The following GTF2I variants were observed in gnomAD, a reference collection of about 807,000 sequenced individuals.
GTF2I encodes the protein general transcription factor II-I.
In GTF2I, 12 loss-of-function variants were observed where a neutral mutation model predicts 67.6. That is an observed-to-expected ratio of 0.18 (90% CI 0.11 to 0.29). The LOEUF (loss-of-function observed/expected upper bound fraction) is 0.29, where lower values mean the gene tolerates loss of function less well. GTF2I is among the 10% of genes least tolerant of loss of function. The pLI is 1.00. For synonymous variants in GTF2I, 149 were observed against 197.0 expected, an observed-to-expected ratio of 0.76 and a Z score of 2.04; for missense variants, 271 against 580.1, an observed-to-expected ratio of 0.47 and a Z score of 5.47.
At chr7:74,675,182 AG>A (rs1805788382) in intron 1 of GTF2I, among the ~76,000 whole-genome samples, 1 of 152,240 alleles carries the variant, frequency 6.6e-6, no homozygotes, top group South Asian at 2.1e-4. Context: ...ACAGTTTTTC[AG>A]TGTTTTGAGT....
At chr7:74,662,511 C>CTGT (rs1804603021) in intron 1 of GTF2I, among the ~76,000 whole-genome samples, 1 of 50,220 alleles carries the variant, frequency 2.0e-5, no homozygotes, top group Non-Finnish European at 3.4e-5. Context: ...CACCTGGACC[C>CTGT]TTTTTTTTTT....
At chr7:74,723,694 G>T (rs1793397075) in intron 12 of GTF2I, among the ~76,000 whole-genome samples, 1 of 151,890 alleles carries the variant, frequency 6.6e-6, no homozygotes, top group Non-Finnish European at 1.5e-5. Context: ...GCCTCCCAAA[G>T]TGCTAGGATT....
intron 1 of GTF2I, among the ~76,000 whole-genome samples, chr7:74,678,218 C>CT (rs66564149): frequency 0.068 from 8,072 of 119,498 alleles, 290 homozygotes; most frequent in Non-Finnish European, 0.075. Flanking sequence ...CTGAGCCCGG[C>CT]TTTTTTTTTT....
intron 10 of GTF2I, among the ~76,000 whole-genome samples, chr7:74,715,761 G>C (rs1381546848): frequency 6.6e-6 from 1 of 152,030 alleles, no homozygotes; most frequent in Non-Finnish European, 1.5e-5. Flanking sequence ...TTTGAGTTCA[G>C]GTGAGTTTTC....
At chr7:74,676,764 C>T (rs1431373221) in intron 1 of GTF2I, among the ~76,000 whole-genome samples, 1 of 151,936 alleles carries the variant, frequency 6.6e-6, no homozygotes, top group African/African-American at 2.4e-5. Flanking sequence ...ATATTAAATA[C>T]CAACAATTTG....
At chr7:74,696,482 A>G (rs1390946831) in intron 3 of GTF2I, among the ~76,000 whole-genome samples, 7 of 147,806 alleles carry the variant, frequency 4.7e-5, no homozygotes, top group Admixed American at 4.7e-4. Context: ...GTGTGTCACT[A>G]CACTCGGCTA....
chr7:74,715,857 GTATGGGACTTT>G (rs1792197461), intron 10 of GTF2I, among the ~76,000 whole-genome samples: 1 of 152,100 alleles, frequency 6.6e-6, no homozygotes, highest in Admixed American at 6.5e-5. Context: ...TGTGACCTCA[GTATGGGACTTT>G]TAATTCAAGG....
chr7:74,661,347 A>G (rs1342202257), intron 1 of GTF2I, among the ~76,000 whole-genome samples: 1 of 152,150 alleles, frequency 6.6e-6, no homozygotes, highest in Non-Finnish European at 1.5e-5. Flanking sequence ...AAATGAAGGG[A>G]GAGAAATTTA....
chr7:74,664,892 T>C (rs1446079999), intron 1 of GTF2I, among the ~76,000 whole-genome samples: 1 of 152,178 alleles, frequency 6.6e-6, no homozygotes, highest in Non-Finnish European at 1.5e-5. Flanking sequence ...TGCCGTTTCC[T>C]GCCTGTGCGA....
At chr7:74,714,562 T>TA (rs1440951963) in intron 9 of GTF2I, among the ~76,000 whole-genome samples, 2 of 152,084 alleles carry the variant, frequency 1.3e-5, no homozygotes, top group Admixed American at 6.6e-5. Context: ...TGTACTGTTT[T>TA]AAAAAACCCA....
chr7:74,658,241 C>G (rs1554384583), intron 1 of GTF2I, among the ~76,000 whole-genome samples, 173 bp downstream of exon 1: 1 of 150,604 alleles, frequency 6.6e-6, no homozygotes, highest in Admixed American at 6.6e-5. Context: ...GCCGCCTCCC[C>G]CTACCCCCAC....
At chr7:74,672,413 C>T (rs965835436) in intron 1 of GTF2I, among the ~76,000 whole-genome samples, 12 of 151,950 alleles carry the variant, frequency 7.9e-5, no homozygotes, top group Non-Finnish European at 5.9e-5. Context: ...TGATGGTGCA[C>T]CCCTGTAATC....
chr7:74,671,371 G>A (rs1805438188), intron 1 of GTF2I, among the ~76,000 whole-genome samples: 1 of 151,966 alleles, frequency 6.6e-6, no homozygotes, highest in Non-Finnish European at 1.5e-5. Context: ...ATAGGCATGA[G>A]CCACTGCACC....
chr7:74,700,696 A>T, intron 6 of GTF2I, 62 bp downstream of exon 6: 1 of 1,407,990 alleles, frequency 7.1e-7, no homozygotes, highest in African/African-American at 1.4e-5. Context: ...ATTTTCATAC[A>T]CTTTAATGGT....
rs1791489787 is a variant in GTF2I at position 74,711,125 on chromosome 7, G to A, written c.763+16G>A. On this transcript the variant is annotated intron_variant, in intron 9 of 34. Transcript: ENST00000573035. ...AACATTCAAGGTAATTTGAATTAAT[G>A]CAATTTTTCTTTCTAAAAATTATTC... The A allele has an allele frequency of 9.0e-7, 1 of 1,116,956 alleles. No homozygotes were observed. 69.2% of individuals were successfully genotyped at this position (1,116,956 alleles called of 1,614,324 possible).
At position 74,685,272 on chromosome 7, in the gene GTF2I, G is replaced by C. The variant is rs111986415; in HGVS notation, c.-5-3852G>C. 5.7e-3 allele frequency among the ~76,000 whole-genome samples: 870 copies of C among 152,328 alleles called. 10 individuals are homozygous for C. The highest frequency in any genetic ancestry group is 0.02 in the African/African-American group (825 of 41,574). On this transcript the variant is annotated intron_variant, in intron 1 of 34. Coordinates refer to ENST00000573035, the MANE Select transcript of GTF2I (RefSeq NM_032999.4). ...GTACTTTGGGAGGCCAAGATGGGTGGATTACTTGAGGTCACGAGTTCCAGA... is the reference window on the plus strand; with the variant it reads ...GTACTTTGGGAGGCCAAGATGGGTGCATTACTTGAGGTCACGAGTTCCAGA...
chr7:74,716,290 T>G (rs1554403610), intron 10 of GTF2I, among the ~76,000 whole-genome samples: 2 of 152,136 alleles, frequency 1.3e-5, no homozygotes, highest in African/African-American at 4.8e-5. Context: ...TGCTTTATGT[T>G]CCAGTTTTTA....
At chr7:74,712,070 C>G (rs1554402684) in intron 9 of GTF2I, among the ~76,000 whole-genome samples, 3 of 151,756 alleles carry the variant, frequency 2.0e-5, no homozygotes. Context: ...CTGCCTCAGC[C>G]TCCCGAATAG....
At chr7:74,732,142 C>CATATATATAT (rs4028174) in intron 14 of GTF2I, among the ~76,000 whole-genome samples, 23 of 145,924 alleles carry the variant, frequency 1.6e-4, no homozygotes, top group African/African-American at 5.3e-4. Context: ...TACACATATA[C>CATATATATAT]ATATATATAT....
Sources: allele counts gnomAD v4.1 joint callset (sites outside exome capture counted in the v4.1 genomes callset), GRCh38; gene constraint gnomAD v4.1.1; transcripts MANE v1.5; gene names NCBI Gene and HGNC (gene_info 2026-07-23, HGNC 2026-07-21).